CEP85L: variants seen among roughly 807,000 people sequenced by gnomAD.
The protein encoded by CEP85L is centrosomal protein of 85 kDa-like.
Under a neutral mutation model 100.3 loss-of-function variants are expected in CEP85L, and 60 were observed. That is an observed-to-expected ratio of 0.60 (90% CI 0.49 to 0.74). The LOEUF (loss-of-function observed/expected upper bound fraction) is 0.74, where lower values mean the gene tolerates loss of function less well. Ranked by LOEUF, CEP85L falls within the 30% of genes least tolerant of loss-of-function variation. CEP85L has a pLI of 0.00. For missense variants in CEP85L, 973 were observed against 936.2 expected, an observed-to-expected ratio of 1.04 and a Z score of -0.51; for synonymous variants, 319 against 322.7, an observed-to-expected ratio of 0.99 and a Z score of 0.12.
At position 118,660,174 on chromosome 6, in the gene CEP85L, G is replaced by A. The variant is rs79628795; in HGVS notation, c.-27-7366C>T. On this transcript the variant is annotated intron_variant, in intron 1 of 13. Transcript: ENST00000368488. ...TTTCTGTTGCATTTTCATCCAGAGGGTTATGATGGGCTTCGTTAAAATGAT... is the reference window on the plus strand; with the variant it reads ...TTTCTGTTGCATTTTCATCCAGAGGATTATGATGGGCTTCGTTAAAATGAT... Among the ~76,000 whole-genome samples the A allele has an allele frequency of 9.3e-3, 1,422 of 152,320 alleles. 28 individuals are homozygous for A. The highest frequency in any genetic ancestry group is 0.032 in the African/African-American group (1,310 of 41,550).
At chr6:118,607,680 C>T (rs1270266624) in intron 2 of CEP85L, among the ~76,000 whole-genome samples, 1 of 152,182 alleles carries the variant, frequency 6.6e-6, no homozygotes, top group Admixed American at 6.5e-5. Flanking sequence ...TTAGGAGAGA[C>T]TCTAACTCCC....
intron 4 of CEP85L, among the ~76,000 whole-genome samples, chr6:118,516,053 T>C (rs1232842769): frequency 6.6e-6 from 1 of 152,230 alleles, no homozygotes; most frequent in Non-Finnish European, 1.5e-5. Context: ...TCCAGCTTCA[T>C]CCATGTCCCT....
intron 7 of CEP85L, 56 bp downstream of exon 7, chr6:118,483,650 A>C (rs1213165502): frequency 1.8e-5 from 28 of 1,521,322 alleles, no homozygotes; most frequent in Non-Finnish European, 2.5e-5. Flanking sequence ...AAATTTCTAG[A>C]GTCAAGTTAA....
intron 2 of CEP85L, among the ~76,000 whole-genome samples, chr6:118,615,903 TG>T (rs1404652091): frequency 6.6e-6 from 1 of 152,230 alleles, no homozygotes; most frequent in Admixed American, 6.5e-5. Context: ...TGGTGTCTCC[TG>T]GACCCTGTCC....
chr6:118,552,167 T>G (rs1017616593), intron 3 of CEP85L, among the ~76,000 whole-genome samples: 1 of 151,990 alleles, frequency 6.6e-6, no homozygotes, highest in Admixed American at 6.6e-5. Context: ...AATAAAGTAT[T>G]TCTTCAGTAC....
chr6:118,595,398 T>TA (rs1781412402), intron 2 of CEP85L, among the ~76,000 whole-genome samples: 1 of 152,244 alleles, frequency 6.6e-6, no homozygotes, highest in Admixed American at 6.5e-5. Context: ...AATCTCAAAA[T>TA]ACCCTGGCTA....
At chr6:118,500,794 G>C (rs1213861259) in intron 5 of CEP85L, among the ~76,000 whole-genome samples, 2 of 152,168 alleles carry the variant, frequency 1.3e-5, no homozygotes, top group African/African-American at 4.8e-5. Context: ...GCCAGCCTAA[G>C]CAACAGAGCA....
rs1773852079 is a variant in CEP85L at position 118,482,332 on chromosome 6, ACT to A, written c.1591-401_1591-400del. ...GAACTCTTCATCTTGCATAATTGAA[ACT>A]CTATATCAATTAAACAACTCCCCAT... On this transcript the variant is annotated intron_variant, in intron 7 of 12. Transcript: ENST00000368491. Among the ~76,000 whole-genome samples, 4 of 152,118 alleles carry A rather than the reference ACT, an allele frequency of 2.6e-5. No homozygotes were observed. The South Asian group carries it at 8.3e-4, about 32-fold the overall frequency.
intron 10 of CEP85L, among the ~76,000 whole-genome samples, chr6:118,477,338 ATATAG>A (rs1773459556): frequency 6.6e-6 from 1 of 152,174 alleles, no homozygotes; most frequent in African/African-American, 2.4e-5. Context: ...TCAACAACAA[ATATAG>A]TATAACTAGT....
intron 5 of CEP85L, among the ~76,000 whole-genome samples, chr6:118,508,245 G>GA (rs1024583428): frequency 2.0e-5 from 3 of 151,200 alleles, no homozygotes; most frequent in South Asian, 2.1e-4. Context: ...AGAAAAAATA[G>GA]AAAAAAATGA....
intron 5 of CEP85L, among the ~76,000 whole-genome samples, chr6:118,505,202 C>T (rs935313616): frequency 6.6e-6 from 1 of 151,606 alleles, no homozygotes; most frequent in Non-Finnish European, 1.5e-5. Flanking sequence ...AGCACTTTGG[C>T]GGGACTAAGG....
intron 5 of CEP85L, among the ~76,000 whole-genome samples, chr6:118,503,786 A>T (rs562867385): frequency 5.4e-5 from 8 of 149,254 alleles, no homozygotes; most frequent in Admixed American, 2.7e-4. Context: ...TACAAAAATT[A>T]ATTCAAAATG....
At chr6:118,544,165 T>C (rs1210585470) in intron 3 of CEP85L, among the ~76,000 whole-genome samples, 2 of 152,210 alleles carry the variant, frequency 1.3e-5, no homozygotes. Flanking sequence ...ACTACAATCA[T>C]TAAATTGAAA....
intron 1 of CEP85L, among the ~76,000 whole-genome samples, chr6:118,660,912 G>T: frequency 6.6e-6 from 1 of 150,668 alleles, no homozygotes; most frequent in Non-Finnish European, 1.5e-5. Context: ...TTGAGACGGA[G>T]TCTCGCACTG....
intron 2 of CEP85L, among the ~76,000 whole-genome samples, chr6:118,630,787 G>A (rs914732345): frequency 6.6e-6 from 1 of 152,248 alleles, no homozygotes; most frequent in African/African-American, 2.4e-5. Flanking sequence ...CTGCACAGCA[G>A]GAGGTGAGTG....
intron 3 of CEP85L, among the ~76,000 whole-genome samples, chr6:118,534,117 A>G (rs1777450773): frequency 6.6e-6 from 1 of 152,150 alleles, no homozygotes; most frequent in Admixed American, 6.5e-5. Flanking sequence ...AAAACAAAAA[A>G]ATCAATGCAA....
intron 3 of CEP85L, among the ~76,000 whole-genome samples, chr6:118,552,117 A>G (rs1778583395): frequency 6.6e-6 from 1 of 152,080 alleles, no homozygotes; most frequent in African/African-American, 2.4e-5. Context: ...ATCCTAGAGT[A>G]TATCAGACTG....
At chr6:118,524,547 A>AAT (rs1194415909) in intron 3 of CEP85L, among the ~76,000 whole-genome samples, 3 of 152,254 alleles carry the variant, frequency 2.0e-5, no homozygotes, top group African/African-American at 7.2e-5. Context: ...TTAAGGGAGT[A>AAT]ATACAATGTA....
intron 6 of CEP85L, among the ~76,000 whole-genome samples, chr6:118,489,969 G>A (rs752620581): frequency 1.7e-4 from 25 of 149,906 alleles, no homozygotes; most frequent in African/African-American, 3.2e-4. Flanking sequence ...ACACACATAC[G>A]TGTGTGTATA....
Sources: gnomAD v4.1 joint callset for allele counts (sites outside exome capture counted in the v4.1 genomes callset) on GRCh38, gnomAD v4.1.1 for gene constraint, MANE v1.5 for transcripts, NCBI Gene and HGNC (gene_info 2026-07-23, HGNC 2026-07-21) for gene names.